POLH: variants seen among roughly 807,000 people sequenced by gnomAD.
The protein encoded by POLH is DNA polymerase eta transcript.
A neutral mutation model predicts 73.6 loss-of-function variants in POLH; 53 were observed. The ratio of observed to expected loss-of-function variants is 0.72; its 90% CI spans 0.58 to 0.91. POLH has a LOEUF of 0.91. Ranked by LOEUF, POLH falls within the 40% of genes least tolerant of loss-of-function variation. The probability of loss-of-function intolerance (pLI) is 0.00; values close to 1 mark genes in which losing one functional copy is unlikely to be tolerated. For missense variants in POLH, 768 were observed against 865.4 expected, an observed-to-expected ratio of 0.89 and a Z score of 1.41; for synonymous variants, 292 against 308.5, an observed-to-expected ratio of 0.95 and a Z score of 0.56.
chr6:43,579,898 C>A (rs1243051013), intron 1 of POLH, among the ~76,000 whole-genome samples: 1 of 137,022 alleles, frequency 7.3e-6, no homozygotes, highest in African/African-American at 2.8e-5. Context: ...GTGAAAGAAT[C>A]TTTTTTTTTT....
Position 43,614,724 on chromosome 6 carries a change from A to G in POLH, c.*167A>G. ...GTTACGGTCCCATCTCTTCACAGGC[A>G]TGGATTCTAATCCCACTGCTGACAG... On this transcript the variant is annotated 3_prime_UTR_variant, in exon 11 of 11. Coordinates refer to ENST00000372236, the MANE Select transcript of POLH (RefSeq NM_006502.3). The G allele has an allele frequency of 1.6e-6, 1 of 618,860 alleles. No homozygotes were observed. The highest frequency in any genetic ancestry group is 2.8e-6 in the Non-Finnish European group (1 of 362,418). 38.3% of individuals were successfully genotyped at this position (618,860 alleles called of 1,614,324 possible). A position where few individuals can be genotyped will look rare whatever the true frequency, so the allele number is the denominator to read the frequency against.
In POLH at chr6:43,619,131, C is replaced by A. The variant is rs1202586338; in HGVS notation, c.*4574C>A. On this transcript the variant is annotated 3_prime_UTR_variant, in exon 11 of 11. Transcript: ENST00000372236. ...GTGGCTGATGCTTGTAATCCTAACA[C>A]TTTGGGAGGCTGAGGTGGGTGGACT... 6.6e-6 allele frequency among the ~76,000 whole-genome samples: 1 copy of A among 151,832 alleles called. No homozygotes were observed. Among genetic ancestry groups the A allele is most frequent in the Admixed American group, 6.6e-5 (1 of 15,230 alleles).
Position 43,619,417 on chromosome 6 carries a change from G to C in POLH, c.*4860G>C, listed in dbSNP as rs1768568353. On this transcript the variant is annotated 3_prime_UTR_variant, in exon 11 of 11. Transcript: ENST00000372236. ...AAAGACTACATTCACTGTATACGTG[G>C]CCTTTTCCCCCTAACTAGCTATGTA... 6.7e-6 allele frequency among the ~76,000 whole-genome samples: 1 copy of C among 149,496 alleles called. No homozygotes were observed. The highest frequency in any genetic ancestry group is 1.5e-5 in the Non-Finnish European group (1 of 67,616).
intron 4 of POLH, among the ~76,000 whole-genome samples, chr6:43,595,667 C>T (rs894013676): frequency 6.6e-6 from 1 of 151,870 alleles, no homozygotes; most frequent in African/African-American, 2.4e-5. Flanking sequence ...AGGAGAATGA[C>T]GTGGACTCGG....
chr6:43,592,961 T>C (rs1169007645), intron 4 of POLH, among the ~76,000 whole-genome samples: 1 of 152,134 alleles, frequency 6.6e-6, no homozygotes, highest in African/African-American at 2.4e-5. Context: ...CTCAAGCAAT[T>C]TTCCCACTTC....
At chr6:43,612,643 G>A (rs751209023) in intron 10 of POLH, among the ~76,000 whole-genome samples, 3 of 151,880 alleles carry the variant, frequency 2.0e-5, no homozygotes, top group East Asian at 1.9e-4. Flanking sequence ...CACTGCACCC[G>A]GCCAATAGTG....
Position 43,614,466 on chromosome 6 carries a change from A to C in POLH, c.2051A>C (p.Asn684Thr), listed in dbSNP as rs1018868004. 1.2e-6 allele frequency: 2 copies of C among 1,614,058 alleles called. No homozygotes were observed. The highest frequency in any genetic ancestry group is 1.7e-6 in the Non-Finnish European group (2 of 1,180,038). The part of the protein sequence containing the change: ...VSAVSHQGKR[N>T]PKSPLACTNK... ...GCCGTATCTCATCAAGGCAAAAGAA[A>C]TCCCAAGAGCCCTTTGGCCTGCACT... is the stretch of plus-strand genomic sequence containing the variant. The change falls in exon 11 of 11, where the codon AAT becomes ACT. Residue 684 changes from asparagine (N) to threonine (T), a missense_variant. Asn to Thr is a moderately conservative substitution (Grantham distance 65). Transcript: ENST00000372236.
chr6:43,617,241 G>A lies in POLH; in HGVS notation c.*2684G>A, dbSNP rs745616510. 9.2e-5 allele frequency among the ~76,000 whole-genome samples: 14 copies of A among 152,088 alleles called. No individual in the cohort carries two copies. The highest frequency in any genetic ancestry group is 1.5e-4 in the Non-Finnish European group (10 of 68,030). On this transcript the variant is annotated 3_prime_UTR_variant, in exon 11 of 11. Transcript: ENST00000372236. ...TTGCTACTCCCAAGTATGATTTGAG[G>A]AACAGCAGCCTCAGTATCACCAGGG...
chr6:43,616,391 C>T lies in POLH; in HGVS notation c.*1834C>T, dbSNP rs1022810200. On this transcript the variant is annotated 3_prime_UTR_variant, in exon 11 of 11. Transcript: ENST00000372236. ...AGTGGATTGCAGGAGCTCAGGAGTT[C>T]GAGACCAGCCTGGGCAAGGTGGCAA... 4.0e-5 allele frequency among the ~76,000 whole-genome samples: 6 copies of T among 149,192 alleles called. No individual in the cohort carries two copies. Among genetic ancestry groups the T allele is most frequent in the South Asian group, 2.1e-4 (1 of 4,714 alleles).
intron 5 of POLH, among the ~76,000 whole-genome samples, 200 bp from the exon 6 acceptor site, chr6:43,600,788 G>A (rs540049133): frequency 1.9e-4 from 29 of 152,304 alleles, no homozygotes; most frequent in Non-Finnish European, 2.4e-4. Flanking sequence ...ATGATATTGC[G>A]TCATGTTTCC....
At chr6:43,608,885 T>C (rs147924766) in intron 9 of POLH, among the ~76,000 whole-genome samples, 7 of 152,322 alleles carry the variant, frequency 4.6e-5, no homozygotes, top group Non-Finnish European at 7.3e-5. Context: ...AAGCCAAATA[T>C]AATCTAATTT....
chr6:43,610,424 T>C, intron 9 of POLH, 130 bp from the exon 10 acceptor site: 2 of 756,612 alleles, frequency 2.6e-6, no homozygotes, highest in Non-Finnish European at 4.6e-6. Context: ...CCTTTATTCT[T>C]GACTTTTAAA....
rs60046548 is a variant in POLH, at chr6:43,619,364, CAAAAAAAAAAAA to C, written c.*4826_*4837del. The stretch of plus-strand genomic sequence containing the variant: ...TGGGTGACAGTCTGAGACCCTGTCT[CAAAAAAAAAAAA>C]AAAAAAAAAAAAAAAAAAGACTACA... On this transcript the variant is annotated 3_prime_UTR_variant, in exon 11 of 11. Coordinates refer to ENST00000372236, the MANE Select transcript of POLH (RefSeq NM_006502.3). Among the ~76,000 whole-genome samples the C allele has an allele frequency of 0.022, 828 of 37,092 alleles. 12 individuals carry two copies. Among genetic ancestry groups the C allele is most frequent in the African/African-American group, 0.039 (676 of 17,198 alleles). 24.3% of individuals were successfully genotyped at this position (37,092 alleles called of 152,430 possible).
chr6:43,576,781 G>A (rs1763393401), intron 1 of POLH, among the ~76,000 whole-genome samples: 1 of 152,218 alleles, frequency 6.6e-6, no homozygotes. Context: ...TTGGCCAAGT[G>A]CTATGTATAA....
rs549162434 is a variant in POLH at position 43,583,267 on chromosome 6, A to G, written c.272+126A>G. ...CGGAAAAAATTCTTTTTGGTTAGCC[A>G]TCTTGTCTCTGTGAAATGAAAAACA... On this transcript the variant is annotated intron_variant, in intron 3 of 10. Transcript: ENST00000372236. 9.8e-6 allele frequency: 8 copies of G among 816,958 alleles called. No individual in the cohort carries two copies. The East Asian group carries it at 2.1e-4, about 22-fold the overall frequency. The allele number at this position is 816,958 out of a possible 1,614,324, so 50.6% of individuals were successfully genotyped here.
chr6:43,599,089 G>C (rs980647408), intron 5 of POLH, among the ~76,000 whole-genome samples: 1 of 149,166 alleles, frequency 6.7e-6, no homozygotes, highest in East Asian at 2.0e-4. Context: ...CCCGGGTTCA[G>C]GTGATTCTCC....
chr6:43,609,435 T>C (rs1488078758), intron 9 of POLH, among the ~76,000 whole-genome samples: 2 of 152,358 alleles, frequency 1.3e-5, no homozygotes, highest in East Asian at 3.9e-4. Context: ...TCTTAGCTTG[T>C]TTGCCTTAGG....
At chr6:43,590,553 A>G (rs901862412) in intron 4 of POLH, among the ~76,000 whole-genome samples, 6 of 150,862 alleles carry the variant, frequency 4.0e-5, no homozygotes, top group Non-Finnish European at 8.8e-5. Flanking sequence ...CCTCTGCCAG[A>G]ATGAGGTCTT....
intron 1 of POLH, among the ~76,000 whole-genome samples, chr6:43,581,590 C>A (rs1431026114): frequency 2.7e-5 from 4 of 150,086 alleles, no homozygotes; most frequent in African/African-American, 1.0e-4. Context: ...CTCCTCCAGC[C>A]GCTGCCTCCC....
Sources: allele counts gnomAD v4.1 joint callset (sites outside exome capture counted in the v4.1 genomes callset), GRCh38; gene constraint gnomAD v4.1.1; transcripts MANE v1.5; gene names NCBI Gene and HGNC (gene_info 2026-07-23, HGNC 2026-07-21).